The following PRRC2B variants were observed in gnomAD, a reference collection of about 807,000 sequenced individuals.
PRRC2B encodes the protein protein PRRC2B.
A neutral mutation model predicts 242.3 loss-of-function variants in PRRC2B; 68 were observed. The ratio of observed to expected loss-of-function variants is 0.28; its 90% CI spans 0.23 to 0.34. PRRC2B has a LOEUF of 0.34. Among genes scored for constraint, PRRC2B ranks in the 10% least tolerant of loss-of-function variants. PRRC2B has a pLI of 1.00. For synonymous variants in PRRC2B, 1,228 were observed against 1,173.6 expected (o/e 1.05, Z -0.95); for missense variants, 2,835 against 2,954.8 (o/e 0.96, Z 0.94).
intron 14 of PRRC2B, among the ~76,000 whole-genome samples, chr9:131,471,740 G>T (rs1943553703): frequency 1.3e-5 from 2 of 152,184 alleles, no homozygotes; most frequent in South Asian, 4.2e-4. Context: ...CCTGACTTAG[G>T]TTGCTTGACA....
intron 1 of PRRC2B, among the ~76,000 whole-genome samples, chr9:131,411,656 T>TA (rs1339201004): frequency 6.6e-6 from 1 of 152,118 alleles, no homozygotes; most frequent in Non-Finnish European, 1.5e-5. Flanking sequence ...TTTGTACTAT[T>TA]TTCTAGATAT....
At chr9:131,436,763 G>T (rs768107631) in intron 4 of PRRC2B, 41 bp downstream of exon 4, 10 of 1,517,674 alleles carry the variant, frequency 6.6e-6, no homozygotes, top group Admixed American at 1.7e-5. Flanking sequence ...CCTGGGCATG[G>T]TAGCCCCTAA....
At chr9:131,495,085 T>A (rs1274961667) in intron 31 of PRRC2B, among the ~76,000 whole-genome samples, 1 of 151,458 alleles carries the variant, frequency 6.6e-6, no homozygotes, top group Admixed American at 6.6e-5. Flanking sequence ...CCCCTAGGGG[T>A]CATGAAAGTT....
chr9:131,377,612 C>G (rs1254999019), intron 1 of PRRC2B, among the ~76,000 whole-genome samples: 1 of 152,204 alleles, frequency 6.6e-6, no homozygotes, highest in Non-Finnish European at 1.5e-5. Context: ...CACCCCAGCC[C>G]TGGGCTCCAC....
rs762671408 is a variant in PRRC2B, at chr9:131,446,543, C to G, written c.756C>G (p.Asp252Glu). The change falls in exon 7 of 32, where the codon GAC (aspartate) becomes GAG (glutamate). Residue 252 changes from aspartate to glutamate, a missense_variant. Coordinates refer to ENST00000683519, the MANE Select transcript of PRRC2B (RefSeq NM_013318.4). This position sits in a 1 kb window ranked among gnomAD's most constrained non-coding sequence, Gnocchi z 4.1. Reference sequence around the variant, plus strand: ...CGGCATGTACCAGCGATTCTAAGGACCCCTCTCTCCGCCCGGCTCAGCCTG... The same window carrying G: ...CGGCATGTACCAGCGATTCTAAGGAGCCCTCTCTCCGCCCGGCTCAGCCTG... Reference protein sequence around the residue: ...PSSACTSDSKDPSLRPAQPVR... With the variant: ...PSSACTSDSKEPSLRPAQPVR... The G allele has an allele frequency of 1.9e-6, 3 of 1,613,904 alleles. No homozygotes were observed. The South Asian group carries it at 3.3e-5, about 18-fold the overall frequency.
upstream of PRRC2B, chr9:131,394,029 G>GAGGCGGGGGCGGCGGC (rs959778407): frequency 2.7e-5 from 4 of 150,474 alleles, no homozygotes; most frequent in African/African-American, 9.7e-5. Context: ...GGAGGACGAG[G>GAGGCGGGGGCGGCGGC]AGGCGGGGGC....
chr9:131,473,682 A>C lies in PRRC2B; in HGVS notation c.2282A>C (p.His761Pro). 6.2e-7 allele frequency: 1 copy of C among 1,613,740 alleles called. No individual in the cohort carries two copies. Among genetic ancestry groups the C allele is most frequent in the Non-Finnish European group, 8.5e-7 (1 of 1,179,878 alleles). Reference sequence around the variant, plus strand: ...CAGAGCAAGGGCTACCCGCTCCCGCACCCGAAGTCGAGTGACACCTTGGCT... The same window carrying C: ...CAGAGCAAGGGCTACCCGCTCCCGCCCCCGAAGTCGAGTGACACCTTGGCT... ...ALQSKGYPLP[H>P]PKSSDTLAMD... Residue 761 changes from histidine to proline, a missense_variant, in exon 15 of 32, where the codon CAC (histidine) becomes CCC (proline). His to Pro is a moderately conservative substitution (Grantham distance 77, BLOSUM62 -2). This residue lies in a region of PRRC2B where 1,536 missense variants were observed against 1,483.1 expected (regional missense o/e 1.04). Transcript: ENST00000683519.
chr9:131,392,167 C>T (rs1410556265), upstream of PRRC2B, among the ~76,000 whole-genome samples: 2 of 149,412 alleles, frequency 1.3e-5, no homozygotes, highest in Non-Finnish European at 3.0e-5. Context: ...GGCATGATCT[C>T]GGCTCAGTGC....
At chr9:131,393,589 C>A (rs938334425), upstream of PRRC2B, among the ~76,000 whole-genome samples, 19 of 152,200 alleles carry the variant, frequency 1.2e-4, no homozygotes, top group Admixed American at 2.0e-4. Context: ...GTTCATATAC[C>A]GTATACATAT....
intron 1 of PRRC2B, among the ~76,000 whole-genome samples, chr9:131,419,949 C>G (rs1229493101): frequency 1.3e-5 from 2 of 152,016 alleles, no homozygotes; most frequent in African/African-American, 4.8e-5. Context: ...AGCCGTGGCT[C>G]TGGTGGAGGG....
intron 1 of PRRC2B, among the ~76,000 whole-genome samples, chr9:131,397,491 A>G (rs187844558): frequency 2.0e-5 from 3 of 150,542 alleles, no homozygotes; most frequent in East Asian, 3.9e-4. Context: ...TTCCTGTTCA[A>G]CACTCCTAAC....
intron 6 of PRRC2B, among the ~76,000 whole-genome samples, chr9:131,444,540 G>A (rs1838724350): frequency 1.3e-5 from 2 of 152,114 alleles, no homozygotes; most frequent in African/African-American, 4.8e-5. Context: ...CTTGGGTTGG[G>A]CCAGGCCTGT....
At chr9:131,407,037 G>A (rs906242068) in intron 1 of PRRC2B, among the ~76,000 whole-genome samples, 1 of 152,222 alleles carries the variant, frequency 6.6e-6, no homozygotes, top group African/African-American at 2.4e-5. Context: ...TATAAGCAAA[G>A]ACATCTCATA....
Position 131,446,379 on chromosome 9 carries a change from T to G in PRRC2B, c.614-22T>G. Reference sequence around the variant, plus strand: ...TTCCCCCTCCTCTTCCCTCTCCCCTTTTGCCCCCTTTCAATTTCCAGATGT... The same window carrying G: ...TTCCCCCTCCTCTTCCCTCTCCCCTGTTGCCCCCTTTCAATTTCCAGATGT... On this transcript the variant is annotated intron_variant, in intron 6 of 31. Coordinates refer to ENST00000683519, the MANE Select transcript of PRRC2B (RefSeq NM_013318.4). The surrounding 1 kb of genome is among the most constrained non-coding windows in gnomAD (Gnocchi z 4.1). 4.3e-6 allele frequency: 7 copies of G among 1,612,840 alleles called. No homozygotes were observed. The highest frequency in any genetic ancestry group is 5.9e-6 in the Non-Finnish European group (7 of 1,179,500).
At chr9:131,433,279 T>G (rs1838238881) in intron 3 of PRRC2B, among the ~76,000 whole-genome samples, 1 of 152,332 alleles carries the variant, frequency 6.6e-6, no homozygotes, top group East Asian at 1.9e-4. Flanking sequence ...ACTTCTGCTG[T>G]TGCTCTAAAC....
Position 131,447,758 on chromosome 9 carries a change from G to C in PRRC2B, c.1074G>C (p.Leu358=). 6.2e-7 allele frequency: 1 copy of C among 1,613,868 alleles called. No homozygotes were observed. The highest frequency in any genetic ancestry group is 8.5e-7 in the Non-Finnish European group (1 of 1,179,802). The stretch of plus-strand genomic sequence containing the variant: ...CCACCATTATCAATGCGGAAAACCT[G>C]AAGGGCCTTGACGATCTGGACGCCG... The part of the protein sequence containing the change: ...PRPTIINAEN[L]KGLDDLDADA... The change falls in exon 9 of 32, where the codon CTG becomes CTC. Residue 358 remains leucine (L), a synonymous_variant. Transcript: ENST00000683519.
At chr9:131,420,728 G>T (rs1554758676) in intron 1 of PRRC2B, among the ~76,000 whole-genome samples, 1 of 151,514 alleles carries the variant, frequency 6.6e-6, no homozygotes, top group Non-Finnish European at 1.5e-5. Context: ...GACCTCAGGT[G>T]CACCTCAGCC....
At chr9:131,393,929 C>A (rs1406088095), upstream of PRRC2B, among the ~76,000 whole-genome samples, 1 of 151,196 alleles carries the variant, frequency 6.6e-6, no homozygotes, top group East Asian at 1.9e-4. Context: ...AGCCCTCGCC[C>A]GGCCCCCGGG....
intron 1 of PRRC2B, among the ~76,000 whole-genome samples, chr9:131,408,118 T>C (rs956650630): frequency 6.6e-6 from 1 of 151,808 alleles, no homozygotes; most frequent in East Asian, 1.9e-4. Flanking sequence ...GAGGATGGGG[T>C]TGTTGTAAGT....
Sources: gnomAD v4.1 joint callset for allele counts (sites outside exome capture counted in the v4.1 genomes callset) on GRCh38, gnomAD v4.1.1 for gene constraint, gnomAD v4.1.1 regional missense constraint, Gnocchi (gnomAD v3.1) non-coding constraint, MANE v1.5 for transcripts, NCBI Gene and HGNC (gene_info 2026-07-23, HGNC 2026-07-21) for gene names.